CCDC7: variants seen among roughly 807,000 people sequenced by gnomAD.
The protein encoded by CCDC7 is coiled-coil domain containing 7, also known as coiled-coil domain-containing protein 7.
In CCDC7, 183 loss-of-function variants were observed where a neutral mutation model predicts 196.9. That is an observed-to-expected ratio of 0.93 (90% CI 0.82 to 1.05). The LOEUF is 1.05. CCDC7 is among the 50% of genes least tolerant of loss of function. The probability of loss-of-function intolerance (pLI) is 0.00; values close to 1 mark genes in which losing one functional copy is unlikely to be tolerated. For missense variants in CCDC7, 1,540 were observed against 1,482.2 expected (o/e 1.04, Z -0.64); for synonymous variants, 525 against 484.6 (o/e 1.08, Z -1.10).
chr10:32,692,326 A>G (rs73259485), intron 23 of CCDC7, among the ~76,000 whole-genome samples: 8,470 of 152,286 alleles, frequency 0.056, 726 homozygotes, highest in African/African-American at 0.19. Flanking sequence ...GGATTTTTCA[A>G]TTGACTCACT....
intron 41 of CCDC7, among the ~76,000 whole-genome samples, chr10:32,865,947 A>G (rs1433302554): frequency 2.6e-5 from 4 of 151,796 alleles, no homozygotes; most frequent in Non-Finnish European, 5.9e-5. Flanking sequence ...ATTAGAGTTG[A>G]AAATATCTGC....
At chr10:32,491,618 T>C (rs1390590291) in intron 8 of CCDC7, among the ~76,000 whole-genome samples, 1 of 152,156 alleles carries the variant, frequency 6.6e-6, no homozygotes, top group Non-Finnish European at 1.5e-5. Context: ...ACTAGATATA[T>C]AGTATTGATC....
chr10:32,812,708 G>T (rs957654868), intron 30 of CCDC7, among the ~76,000 whole-genome samples: 4 of 152,202 alleles, frequency 2.6e-5, no homozygotes, highest in Admixed American at 2.0e-4. Context: ...GTAACTCTTA[G>T]TAAATTATAA....
chr10:32,564,915 T>C (rs1461460104), intron 13 of CCDC7, among the ~76,000 whole-genome samples: 1 of 152,078 alleles, frequency 6.6e-6, no homozygotes, highest in Non-Finnish European at 1.5e-5. Context: ...AATTTGAGAC[T>C]GCAGTGAGCT....
intron 13 of CCDC7, 53 bp from the exon 15 acceptor site, chr10:32,565,505 A>G (rs2056629750): frequency 1.3e-6 from 2 of 1,564,694 alleles, no homozygotes; most frequent in East Asian, 2.3e-5. Flanking sequence ...GTAAAACTAA[A>G]TTAATTAAAA....
intron 39 of CCDC7, among the ~76,000 whole-genome samples, chr10:32,849,710 A>G (rs1565705346): frequency 6.6e-6 from 1 of 151,612 alleles, no homozygotes; most frequent in Admixed American, 6.6e-5. Flanking sequence ...TCAAAAAAAA[A>G]AAAAAAAAAA....
At chr10:32,640,655 C>T (rs1042975275) in intron 20 of CCDC7, among the ~76,000 whole-genome samples, 1 of 152,030 alleles carries the variant, frequency 6.6e-6, no homozygotes, top group Non-Finnish European at 1.5e-5. Context: ...ACTGGTTGTT[C>T]CTTTCCATGT....
At chr10:32,608,859 A>G (rs570815611) in intron 18 of CCDC7, among the ~76,000 whole-genome samples, 1 of 152,140 alleles carries the variant, frequency 6.6e-6, no homozygotes, top group East Asian at 1.9e-4. Flanking sequence ...TTCCCATCTT[A>G]ATTTCTTCAT....
chr10:32,490,239 T>C (rs190934663), intron 8 of CCDC7, among the ~76,000 whole-genome samples: 2 of 152,364 alleles, frequency 1.3e-5, no homozygotes, highest in East Asian at 3.9e-4. Context: ...AAGGCCACTT[T>C]CATCCATGGA....
Position 32,798,362 on chromosome 10 carries a change from C to T in CCDC7, c.3014-6653C>T, listed in dbSNP as rs142812422. The stretch of plus-strand genomic sequence containing the variant: ...GGAAGTCCACATTGCTGAGCCCATG[C>T]GTAACCTCCATCCCTGCCACCATGG... On this transcript the variant is annotated intron_variant, in intron 29 of 41. Coordinates refer to ENST00000639629, the Ensembl canonical transcript of CCDC7. 9.7e-3 allele frequency among the ~76,000 whole-genome samples: 1,483 copies of T among 152,318 alleles called. 14 individuals carry two copies. Among genetic ancestry groups the T allele is most frequent in the Non-Finnish European group, 0.014 (928 of 68,024 alleles).
chr10:32,509,516 C>A (rs373228281), intron 9 of CCDC7, among the ~76,000 whole-genome samples: 34 of 139,440 alleles, frequency 2.4e-4, no homozygotes, highest in Non-Finnish European at 2.9e-4. Context: ...GACATTACAC[C>A]AAAAAAAAAA....
At chr10:32,498,047 T>C (rs1019219041) in intron 9 of CCDC7, among the ~76,000 whole-genome samples, 1 of 152,180 alleles carries the variant, frequency 6.6e-6, no homozygotes, top group Non-Finnish European at 1.5e-5. Context: ...TGTAGGTCTT[T>C]AAGGACTCGC....
rs1211246904 is a variant in CCDC7, at chr10:32,472,545, G to A, written c.739+3G>A. ...AGCTCTGGCACAGAAAATTGAAGGTGATAATATTTTATATATGTTTATCCT... is the reference window on the plus strand; with the variant it reads ...AGCTCTGGCACAGAAAATTGAAGGTAATAATATTTTATATATGTTTATCCT... On this transcript the variant is annotated splice_donor_region_variant and intron_variant, in intron 7 of 41. Coordinates refer to ENST00000639629, the Ensembl canonical transcript of CCDC7. 3.2e-6 allele frequency: 5 copies of A among 1,564,818 alleles called. No individual in the cohort carries two copies. The African/African-American group carries it at 4.1e-5, about 13-fold the overall frequency.
chr10:32,750,402 C>A (rs1050194747), intron 28 of CCDC7, among the ~76,000 whole-genome samples: 1 of 151,866 alleles, frequency 6.6e-6, no homozygotes, highest in African/African-American at 2.4e-5. Context: ...AATCTCGAGG[C>A]AGAAAAAGTG....
chr10:32,640,041 T>C (rs948627216), intron 20 of CCDC7, among the ~76,000 whole-genome samples: 8 of 152,248 alleles, frequency 5.3e-5, no homozygotes, highest in Middle Eastern at 3.2e-3. Context: ...GAGAGTTCTG[T>C]AGATGTCTAT....
exon 24 of CCDC7, chr10:32,694,946 G>A: frequency 6.2e-7 from 1 of 1,605,190 alleles, no homozygotes; most frequent in Non-Finnish European, 8.5e-7. Context: ...AACTGGAAAT[G>A]CAAATTGAAA....
At chr10:32,550,349 C>A (rs1474000760) in intron 13 of CCDC7, among the ~76,000 whole-genome samples, 1 of 151,944 alleles carries the variant, frequency 6.6e-6, no homozygotes. Context: ...TGATTGTCAG[C>A]AAACAGTGAC....
At chr10:32,508,708 C>G (rs1212256563) in intron 9 of CCDC7, among the ~76,000 whole-genome samples, 2 of 151,182 alleles carry the variant, frequency 1.3e-5, no homozygotes, top group Non-Finnish European at 2.9e-5. Flanking sequence ...CTGCAACCTC[C>G]TTCTCCCAGG....
At chr10:32,741,386 T>G (rs1022903527) in intron 28 of CCDC7, among the ~76,000 whole-genome samples, 7 of 152,164 alleles carry the variant, frequency 4.6e-5, no homozygotes, top group Non-Finnish European at 8.8e-5. Context: ...AGTTTGTTCT[T>G]TGGTTCATGA....
Sources: allele counts gnomAD v4.1 joint callset (sites outside exome capture counted in the v4.1 genomes callset), GRCh38; gene constraint gnomAD v4.1.1; transcripts MANE v1.5; gene names NCBI Gene and HGNC (gene_info 2026-07-23, HGNC 2026-07-21).